ZNF697: variants seen among roughly 807,000 people sequenced by gnomAD.
The protein encoded by ZNF697 is zinc finger protein 697.
In ZNF697, 23 loss-of-function variants were observed where a neutral mutation model predicts 32.4. That is an observed-to-expected ratio of 0.71 (90% confidence interval 0.51 to 1.01). The LOEUF (loss-of-function observed/expected upper bound fraction) is 1.01, where lower values mean the gene tolerates loss of function less well. Among genes scored for constraint, ZNF697 ranks in the 50% least tolerant of loss-of-function variants. The pLI, the probability that ZNF697 is intolerant of heterozygous loss-of-function variation, is 0.00. For missense variants in ZNF697, 930 were observed against 794.0 expected, an observed-to-expected ratio of 1.17 and a Z score of -2.06; for synonymous variants, 418 against 337.2, an observed-to-expected ratio of 1.24 and a Z score of -2.62.
intron 2 of ZNF697, 147 bp downstream of exon 2, chr1:119,625,728 G>T: frequency 8.7e-7 from 1 of 1,154,422 alleles, no homozygotes; most frequent in Non-Finnish European, 1.2e-6. Flanking sequence ...GCTAACACAA[G>T]AGAGGCAAGT....
At chr1:119,633,607 C>G (rs897688962) in intron 1 of ZNF697, among the ~76,000 whole-genome samples, 1 of 152,090 alleles carries the variant, frequency 6.6e-6, no homozygotes, top group Non-Finnish European at 1.5e-5. Flanking sequence ...GCAATGTACT[C>G]GAAGTCCACT....
Position 119,648,188 on chromosome 1 carries a change from C to CGCTGGCTGGTTGGCTGGCTGGCTGGCTG in ZNF697, c.-536_-535insCAGCCAGCCAGCCAGCCAACCAGCCAGC, listed in dbSNP as rs1649270652. ...CGGCTGCAGCGGCCGCTGGGTGGCC[C>CGCTGGCTGGTTGGCTGGCTGGCTGGCTG]GCTGGCTGGCTGGTTGGCTGGCTGG... is the stretch of plus-strand genomic sequence containing the variant. On this transcript the variant is annotated 5_prime_UTR_variant, in exon 1 of 3. Coordinates refer to ENST00000421812, the MANE Select transcript of ZNF697 (RefSeq NM_001080470.2). Among the ~76,000 whole-genome samples, 1 of 122,266 alleles carries CGCTGGCTGGTTGGCTGGCTGGCTGGCTG rather than the reference C, an allele frequency of 8.2e-6. No homozygotes were observed. Among genetic ancestry groups the CGCTGGCTGGTTGGCTGGCTGGCTGGCTG allele is most frequent in the Non-Finnish European group, 1.9e-5 (1 of 54,046 alleles). 80.2% of individuals were successfully genotyped at this position (122,266 alleles called of 152,430 possible). A position where few individuals can be genotyped will look rare whatever the true frequency, so the allele number is the denominator to read the frequency against.
At chr1:119,627,453 C>T (rs1006217319) in intron 1 of ZNF697, among the ~76,000 whole-genome samples, 6 of 152,194 alleles carry the variant, frequency 3.9e-5, no homozygotes, top group Non-Finnish European at 8.8e-5. Flanking sequence ...TAACCTTTCT[C>T]ACAGGGAGGG....
intron 1 of ZNF697, among the ~76,000 whole-genome samples, chr1:119,628,292 C>T (rs1446875539): frequency 6.6e-6 from 1 of 152,098 alleles, no homozygotes; most frequent in Non-Finnish European, 1.5e-5. Flanking sequence ...CAGGGCTTCC[C>T]CTCTAAGCCC....
Position 119,620,934 on chromosome 1 carries a change from A to C in ZNF697, c.*1771T>G, listed in dbSNP as rs1270036317. On this transcript the variant is annotated 3_prime_UTR_variant, in exon 3 of 3. Coordinates refer to ENST00000421812, the MANE Select transcript of ZNF697 (RefSeq NM_001080470.2). ...GATATTTTGTGAAGATGCTTCCATGAAATGTGTAGGGTAACAATCACTAGA... is the reference window on the plus strand; with the variant it reads ...GATATTTTGTGAAGATGCTTCCATGCAATGTGTAGGGTAACAATCACTAGA... The C allele has an allele frequency of 6.6e-6, 1 of 150,478 alleles. No individual in the cohort carries two copies. The highest frequency in any genetic ancestry group is 1.5e-5 in the Non-Finnish European group (1 of 68,024). 9.3% of individuals were successfully genotyped at this position (150,478 alleles called of 1,614,324 possible).
At position 119,644,830 on chromosome 1, in the gene ZNF697, T is replaced by C. The variant is rs184020731; in HGVS notation, c.-38+2861A>G. 1.2e-4 allele frequency among the ~76,000 whole-genome samples: 19 copies of C among 152,300 alleles called. No individual in the cohort carries two copies. The East Asian group carries it at 3.3e-3, about 26-fold the overall frequency. On this transcript the variant is annotated intron_variant, in intron 1 of 2. Coordinates refer to ENST00000421812, the MANE Select transcript of ZNF697 (RefSeq NM_001080470.2). ...AGTGTCTTTGGGGAAAATTTGAAAG[T>C]CTGATTTGTTTTCTATTTCTATATG...
At chr1:119,638,573 C>T (rs1648984644) in intron 1 of ZNF697, among the ~76,000 whole-genome samples, 1 of 152,172 alleles carries the variant, frequency 6.6e-6, no homozygotes, top group African/African-American at 2.4e-5. Flanking sequence ...CTTCACTGAC[C>T]ACCCTGTCTC....
Position 119,621,257 on chromosome 1 carries a change from T to A in ZNF697, c.*1448A>T, listed in dbSNP as rs1380464037. The stretch of plus-strand genomic sequence containing the variant: ...TCTTCCTAGCAGCTGAGCTGGAGAA[T>A]GCAAAAGGTCAGGCTACAATTATTC... On this transcript the variant is annotated 3_prime_UTR_variant, in exon 3 of 3. Transcript: ENST00000421812. 6.6e-6 allele frequency: 1 copy of A among 152,298 alleles called. No homozygotes were observed. The highest frequency in any genetic ancestry group is 2.4e-5 in the African/African-American group (1 of 41,460). The allele number at this position is 152,298 out of a possible 1,614,324, so 9.4% of individuals were successfully genotyped here.
At chr1:119,627,812 G>C (rs77042019) in intron 1 of ZNF697, among the ~76,000 whole-genome samples, 323 of 152,258 alleles carry the variant, frequency 2.1e-3, no homozygotes, top group African/African-American at 7.3e-3. Context: ...AACATTTGGA[G>C]ATTTCTTGTC....
chr1:119,626,199 A>G, intron 1 of ZNF697, 62 bp from the exon 2 acceptor site: 1 of 1,535,832 alleles, frequency 6.5e-7, no homozygotes, highest in Non-Finnish European at 8.7e-7. Context: ...CACCACGCCC[A>G]GCCTTAATTT....
chr1:119,647,383 G>T (rs1205630881), intron 1 of ZNF697, among the ~76,000 whole-genome samples: 1 of 152,136 alleles, frequency 6.6e-6, no homozygotes, highest in Non-Finnish European at 1.5e-5. Context: ...TGCCTCCCGG[G>T]GCTAGACGGC....
chr1:119,630,885 A>AGGGAGGGAATGAGGTGGGAAGATCG (rs1648743864), intron 1 of ZNF697, among the ~76,000 whole-genome samples: 2 of 152,082 alleles, frequency 1.3e-5, no homozygotes, highest in African/African-American at 4.8e-5. Context: ...AAAAAGAGGA[A>AGGGAGGGAATGAGGTGGGAAGATCG]GGGAGGGAAT....
At chr1:119,626,161 A>C in intron 1 of ZNF697, 24 bp from the exon 2 acceptor site, 1 of 1,606,028 alleles carries the variant, frequency 6.2e-7, no homozygotes, top group Non-Finnish European at 8.5e-7. Context: ...ACACAAAGAA[A>C]GGTCACGTCA....
chr1:119,633,356 A>ATGTATG (rs1648832534), intron 1 of ZNF697, among the ~76,000 whole-genome samples: 2 of 143,258 alleles, frequency 1.4e-5, no homozygotes, highest in East Asian at 2.1e-4. Context: ...AACCAATAGG[A>ATGTATG]TGTGTGTGTG....
intron 1 of ZNF697, among the ~76,000 whole-genome samples, chr1:119,631,276 GAGCGGACCTA>G (rs1438531140): frequency 6.6e-6 from 1 of 152,264 alleles, no homozygotes; most frequent in African/African-American, 2.4e-5. Context: ...TGTCTCCTTG[GAGCGGACCTA>G]AGCACCTTCC....
chr1:119,646,357 A>ACACACACACACACACACG (rs1649204219), intron 1 of ZNF697, among the ~76,000 whole-genome samples: 4 of 149,814 alleles, frequency 2.7e-5, no homozygotes, highest in African/African-American at 1.0e-4. Context: ...ACACACACAC[A>ACACACACACACACACACG]CACACACGGC....
At chr1:119,624,237 C>A in intron 2 of ZNF697, 121 bp from the exon 3 acceptor site, 1 of 1,217,146 alleles carries the variant, frequency 8.2e-7, no homozygotes, top group Non-Finnish European at 1.1e-6. Flanking sequence ...ATCCCTGCCC[C>A]TCCAAGACCC....
intron 1 of ZNF697, among the ~76,000 whole-genome samples, chr1:119,628,630 C>T (rs750029233): frequency 6.6e-6 from 1 of 152,176 alleles, no homozygotes; most frequent in Non-Finnish European, 1.5e-5. Flanking sequence ...CACCCAGATA[C>T]CATTCATGGC....
chr1:119,648,148 C>G lies in ZNF697; in HGVS notation c.-495G>C, dbSNP rs974503651. Among the ~76,000 whole-genome samples, 3 of 151,864 alleles carry G rather than the reference C, an allele frequency of 2.0e-5. No individual in the cohort carries two copies. The highest frequency in any genetic ancestry group is 7.3e-5 in the African/African-American group (3 of 41,368). ...AGCCCCGCACCGCAGCGCGTCTGCC[C>G]TTGTGCGGCGGCGGCGGCTGCAGCG... On this transcript the variant is annotated 5_prime_UTR_variant, in exon 1 of 3. Transcript: ENST00000421812.
Sources: allele counts gnomAD v4.1 joint callset (sites outside exome capture counted in the v4.1 genomes callset), GRCh38; gene constraint gnomAD v4.1.1; transcripts MANE v1.5; gene names NCBI Gene and HGNC (gene_info 2026-07-23, HGNC 2026-07-21).